The following ENTREP2 variants were observed in gnomAD, a reference collection of about 807,000 sequenced individuals.
ENTREP2 encodes protein ENTREP2.
chr15:29,282,724 A>T, the ENTREP2 span, among the ~76,000 whole-genome samples: 1 of 152,206 alleles, frequency 6.6e-6, no homozygotes, highest in African/African-American at 2.4e-5. Context: ...TTTGCTTGGA[A>T]GAAGACAGGA....
At chr15:29,149,403 C>T in the ENTREP2 span, among the ~76,000 whole-genome samples, 1 of 152,258 alleles carries the variant, frequency 6.6e-6, no homozygotes, top group Non-Finnish European at 1.5e-5. Flanking sequence ...ATAGCTACAA[C>T]TGTCCCTTGG....
At chr15:29,540,105 C>G in the ENTREP2 span, among the ~76,000 whole-genome samples, 1 of 152,148 alleles carries the variant, frequency 6.6e-6, no homozygotes, top group Non-Finnish European at 1.5e-5. Context: ...TCCTGACACC[C>G]CAGCCTTTCT....
chr15:29,570,530 G>A, the ENTREP2 span: 2 of 1,455,128 alleles, frequency 1.4e-6, no homozygotes, highest in South Asian at 1.3e-5. Context: ...GAAGGGGCAG[G>A]AGTGGCGGAC....
At chr15:29,612,953 C>A in the ENTREP2 span, 4 of 152,242 alleles carry the variant, frequency 2.6e-5, no homozygotes, top group African/African-American at 9.6e-5. Flanking sequence ...GAAACCAATA[C>A]GGCCCACTGG....
chr15:29,243,826 T>C, the ENTREP2 span, among the ~76,000 whole-genome samples: 2 of 152,124 alleles, frequency 1.3e-5, no homozygotes, highest in Non-Finnish European at 2.9e-5. Flanking sequence ...ATAATGAACA[T>C]GGGAAAATAC....
At chr15:29,501,051 AC>A in the ENTREP2 span, among the ~76,000 whole-genome samples, 1 of 152,058 alleles carries the variant, frequency 6.6e-6, no homozygotes, top group Non-Finnish European at 1.5e-5. Flanking sequence ...AAATGAGTCA[AC>A]TTTTCTAAAA....
the ENTREP2 span, among the ~76,000 whole-genome samples, chr15:29,380,308 G>A: frequency 6.6e-6 from 1 of 152,060 alleles, no homozygotes; most frequent in Non-Finnish European, 1.5e-5. Context: ...ACCATTTCAG[G>A]GCGTCATGGT....
the ENTREP2 span, among the ~76,000 whole-genome samples, chr15:29,327,218 C>G: frequency 6.6e-6 from 1 of 152,174 alleles, no homozygotes; most frequent in East Asian, 1.9e-4. Flanking sequence ...TTGTAAAACA[C>G]ATATCTGATA....
At chr15:29,239,570 T>C in the ENTREP2 span, among the ~76,000 whole-genome samples, 1 of 152,152 alleles carries the variant, frequency 6.6e-6, no homozygotes, top group African/African-American at 2.4e-5. Flanking sequence ...TTGATTAGTA[T>C]GCAGATCACA....
chr15:29,435,607 A>G, the ENTREP2 span, among the ~76,000 whole-genome samples: 3 of 152,112 alleles, frequency 2.0e-5, no homozygotes, highest in African/African-American at 7.2e-5. Context: ...TGGGAGGGAA[A>G]GGTGGACATA....
chr15:29,153,445 T>C, the ENTREP2 span, among the ~76,000 whole-genome samples: 1 of 152,200 alleles, frequency 6.6e-6, no homozygotes, highest in African/African-American at 2.4e-5. Flanking sequence ...CACTGTGTCC[T>C]TGCTTAGTGA....
chr15:29,412,377 C>G, the ENTREP2 span, among the ~76,000 whole-genome samples: 7 of 152,116 alleles, frequency 4.6e-5, no homozygotes, highest in African/African-American at 1.7e-4. Flanking sequence ...CTCTCTGTGG[C>G]TGAAGTATAA....
chr15:29,433,507 T>A, the ENTREP2 span, among the ~76,000 whole-genome samples: 1 of 152,180 alleles, frequency 6.6e-6, no homozygotes, highest in Admixed American at 6.5e-5. Flanking sequence ...ATGGTACAAA[T>A]CTTATTCCCC....
At chr15:29,656,765 G>C in the ENTREP2 span, among the ~76,000 whole-genome samples, 22 of 152,128 alleles carry the variant, frequency 1.4e-4, no homozygotes, top group African/African-American at 4.6e-4. Flanking sequence ...AAAGCAAAAT[G>C]GTAAAGCCAC....
At chr15:29,202,701 G>T in the ENTREP2 span, among the ~76,000 whole-genome samples, 1 of 152,004 alleles carries the variant, frequency 6.6e-6, no homozygotes, top group East Asian at 1.9e-4. Flanking sequence ...TGTTCTCACT[G>T]TTCTACTCCT....
chr15:29,305,795 G>A, the ENTREP2 span, among the ~76,000 whole-genome samples: 1 of 152,166 alleles, frequency 6.6e-6, no homozygotes, highest in African/African-American at 2.4e-5. Flanking sequence ...ACATGAGTCT[G>A]GAGCCCAAAA....
the ENTREP2 span, among the ~76,000 whole-genome samples, chr15:29,604,506 A>G: frequency 0.024 from 3,611 of 152,314 alleles, 156 homozygotes; most frequent in African/African-American, 0.082. Flanking sequence ...AACATATTAT[A>G]CCAAGTAATT....
chr15:29,179,618 TTG>T, the ENTREP2 span, among the ~76,000 whole-genome samples: 8 of 151,074 alleles, frequency 5.3e-5, no homozygotes, highest in African/African-American at 1.9e-4. Context: ...TCTCGCTCTG[TTG>T]CCCAGGCTGG....
the ENTREP2 span, among the ~76,000 whole-genome samples, chr15:29,223,216 T>C: frequency 6.6e-6 from 1 of 152,184 alleles, no homozygotes; most frequent in African/African-American, 2.4e-5. Context: ...GAACACCACA[T>C]TAAAAAATCG....
Sources: allele counts gnomAD v4.1 joint callset (sites outside exome capture counted in the v4.1 genomes callset), GRCh38; gene constraint gnomAD v4.1.1; transcripts MANE v1.5; gene names NCBI Gene and HGNC (gene_info 2026-07-23, HGNC 2026-07-21).